PTPN14: variants seen among roughly 807,000 people sequenced by gnomAD.
The protein encoded by PTPN14 is protein tyrosine phosphatase non-receptor type 14.
PTPN14 carries 53 observed loss-of-function variants against 126.8 expected under a neutral mutation model. The ratio of observed to expected loss-of-function variants is 0.42; its 90% CI spans 0.34 to 0.53. The LOEUF is 0.53. Among genes scored for constraint, PTPN14 ranks in the 20% least tolerant of loss-of-function variants. The pLI, the probability that PTPN14 is intolerant of heterozygous loss-of-function variation, is 0.08. For missense variants in PTPN14, 1,257 were observed against 1,552.9 expected, an observed-to-expected ratio of 0.81 and a Z score of 3.20; for synonymous variants, 630 against 599.3, an observed-to-expected ratio of 1.05 and a Z score of -0.75.
chr1:214,460,568 C>A (rs1660488199), intron 2 of PTPN14, among the ~76,000 whole-genome samples: 1 of 146,846 alleles, frequency 6.8e-6, no homozygotes, highest in South Asian at 2.1e-4. Context: ...TCAGTGCAAA[C>A]TGAACTCTGC....
At chr1:214,372,164 A>G (rs1658233400) in intron 16 of PTPN14, 1 of 156,648 alleles carries the variant, frequency 6.4e-6, no homozygotes, top group Non-Finnish European at 1.4e-5. Flanking sequence ...CTCTAGTTAC[A>G]GCAGAAAAAC....
intron 1 of PTPN14, among the ~76,000 whole-genome samples, chr1:214,468,434 T>C (rs1218322777): frequency 6.6e-6 from 1 of 152,114 alleles, no homozygotes; most frequent in African/African-American, 2.4e-5. Context: ...TGTGTGCCTG[T>C]AATCCCAGCT....
At chr1:214,420,878 C>G (rs1335698735) in intron 3 of PTPN14, among the ~76,000 whole-genome samples, 1 of 152,164 alleles carries the variant, frequency 6.6e-6, no homozygotes, top group African/African-American at 2.4e-5. Context: ...AACATGCCAA[C>G]AGAAGTAGAA....
At chr1:214,410,740 T>C (rs2102579477) in intron 5 of PTPN14, among the ~76,000 whole-genome samples, 2 of 152,358 alleles carry the variant, frequency 1.3e-5, no homozygotes, top group Middle Eastern at 6.8e-3. Context: ...TTGGCCCCTC[T>C]GTTGAAAAAT....
Position 214,397,981 on chromosome 1 carries a change from TAC to T in PTPN14, c.688_689del (p.Val230ThrfsTer26). The T allele has an allele frequency of 1.9e-6, 3 of 1,612,624 alleles. No homozygotes were observed. Among genetic ancestry groups the T allele is most frequent in the Non-Finnish European group, 2.5e-6 (3 of 1,178,692 alleles). On this transcript the variant is annotated frameshift_variant, in exon 8 of 19. Transcript: ENST00000366956. LOFTEE classifies it high-confidence loss of function. ...FPVKDNHGNCVHLGIFFMGIF... is the reference protein window; with the variant it reads ...FPVKDNHGNCXHLGIFFMGIF... Reference sequence around the variant, plus strand: ...TCCCCATAAAGAAAATGCCAAGGTGTACACAGTTTCCATGATTGTCCTGGGTA... The same window carrying T: ...TCCCCATAAAGAAAATGCCAAGGTGTACAGTTTCCATGATTGTCCTGGGTA...
At chr1:214,442,203 A>ATGTTAGGGACGAGAAG (rs1425119011) in intron 3 of PTPN14, among the ~76,000 whole-genome samples, 43 of 152,286 alleles carry the variant, frequency 2.8e-4, no homozygotes, top group African/African-American at 9.9e-4. Flanking sequence ...CTTATGCAAA[A>ATGTTAGGGACGAGAAG]TGTTAGGGAC....
chr1:214,395,572 C>T (rs2102555557), intron 8 of PTPN14, among the ~76,000 whole-genome samples: 1 of 146,768 alleles, frequency 6.8e-6, no homozygotes, highest in African/African-American at 2.5e-5. Flanking sequence ...AATGTGCCTA[C>T]ACTTTGGGAC....
chr1:214,465,951 C>CTTTCTTTTTTTTTT (rs1324868342), intron 1 of PTPN14, among the ~76,000 whole-genome samples: 8 of 59,024 alleles, frequency 1.4e-4, no homozygotes, highest in African/African-American at 5.5e-4. Flanking sequence ...CAGTTACTTC[C>CTTTCTTTTTTTTTT]TTTTTTTTTT....
At chr1:214,401,873 T>C (rs1166085582) in intron 6 of PTPN14, 101 bp from the exon 7 acceptor site, 2 of 961,970 alleles carry the variant, frequency 2.1e-6, no homozygotes, top group East Asian at 2.4e-5. Context: ...TTAGCTCTAG[T>C]TTCTGGGAAG....
intron 1 of PTPN14, among the ~76,000 whole-genome samples, chr1:214,490,996 GA>G (rs1380695891): frequency 1.3e-5 from 1 of 78,128 alleles, no homozygotes; most frequent in Non-Finnish European, 2.7e-5. Context: ...GGAAGGGAAG[GA>G]AAGGAAAGAA....
intron 3 of PTPN14, among the ~76,000 whole-genome samples, chr1:214,435,248 G>T (rs1659885833): frequency 6.6e-6 from 1 of 151,994 alleles, no homozygotes; most frequent in Non-Finnish European, 1.5e-5. Context: ...TGCTGTGTGT[G>T]TGTGTGCGTG....
rs187804899 is a variant in PTPN14 at position 214,370,887 on chromosome 1, A to C, written c.3037-1196T>G. 5.9e-5 allele frequency among the ~76,000 whole-genome samples: 9 copies of C among 152,258 alleles called. No individual in the cohort carries two copies. In the East Asian group the frequency reaches 1.5e-3, roughly 26 times the overall value. ...TGATGGCTGTTTACAGGAACATTAG[A>C]GTTCCTCTTGTAAAGCCCACTTGTA... is the stretch of plus-strand genomic sequence containing the variant. On this transcript the variant is annotated intron_variant, in intron 16 of 18. Transcript: ENST00000366956.
At chr1:214,409,171 C>T (rs1659239752) in intron 5 of PTPN14, among the ~76,000 whole-genome samples, 2 of 152,198 alleles carry the variant, frequency 1.3e-5, no homozygotes, top group African/African-American at 2.4e-5. Flanking sequence ...AGTCACCTTG[C>T]TGTGCAGCAA....
intron 3 of PTPN14, among the ~76,000 whole-genome samples, chr1:214,424,312 G>A (rs1377428717): frequency 6.6e-6 from 1 of 151,438 alleles, no homozygotes; most frequent in Non-Finnish European, 1.5e-5. Flanking sequence ...AAAAATCAGA[G>A]TACCACACAA....
At chr1:214,423,335 C>T (rs1659585971) in intron 3 of PTPN14, among the ~76,000 whole-genome samples, 1 of 151,858 alleles carries the variant, frequency 6.6e-6, no homozygotes, top group Admixed American at 6.6e-5. Context: ...CCCGCAACAC[C>T]CCCCAAAAAA....
At chr1:214,540,037 A>T (rs1655798285) in intron 1 of PTPN14, among the ~76,000 whole-genome samples, 1 of 152,168 alleles carries the variant, frequency 6.6e-6, no homozygotes, top group African/African-American at 2.4e-5. Context: ...CATCAGTCCC[A>T]TTTTTCCCCT....
In PTPN14 at chr1:214,516,635, G is replaced by A. The variant is rs769036045; in HGVS notation, c.-155+34548C>T. Reference sequence around the variant, plus strand: ...AGTTACCTACTACTAACAGCTTACCGCAGCAATACATAGTATTACCAGGAC... The same window carrying A: ...AGTTACCTACTACTAACAGCTTACCACAGCAATACATAGTATTACCAGGAC... On this transcript the variant is annotated intron_variant, in intron 1 of 18. Coordinates refer to ENST00000366956, the MANE Select transcript of PTPN14 (RefSeq NM_005401.5). Among the ~76,000 whole-genome samples, 24 of 152,170 alleles carry A rather than the reference G, an allele frequency of 1.6e-4. No homozygotes were observed. The East Asian group carries it at 1.9e-3, about 12-fold the overall frequency.
At chr1:214,358,314 T>C (rs1035850251) in intron 18 of PTPN14, among the ~76,000 whole-genome samples, 8 of 152,232 alleles carry the variant, frequency 5.3e-5, no homozygotes, top group African/African-American at 1.2e-4. Context: ...TCACCCAGGC[T>C]GGAGTACAGT....
intron 3 of PTPN14, among the ~76,000 whole-genome samples, chr1:214,436,402 T>TAA (rs5780777): frequency 9.9e-5 from 15 of 151,520 alleles, no homozygotes; most frequent in Middle Eastern, 3.4e-3. Flanking sequence ...AAAATAAAGT[T>TAA]AAAAAAAAAT....
Sources: allele counts gnomAD v4.1 joint callset (sites outside exome capture counted in the v4.1 genomes callset), GRCh38; gene constraint gnomAD v4.1.1; transcripts MANE v1.5; gene names NCBI Gene and HGNC (gene_info 2026-07-23, HGNC 2026-07-21).